The following ANK2 variants were observed in gnomAD, a reference collection of about 807,000 sequenced individuals.
ANK2 encodes the protein ankyrin-2.
In ANK2, 83 loss-of-function variants were observed where a neutral mutation model predicts 360.5. That is an observed-to-expected ratio of 0.23 (90% CI 0.19 to 0.28). The LOEUF is 0.28. Ranked by LOEUF, ANK2 falls within the 10% of genes least tolerant of loss-of-function variation. ANK2 has a pLI of 1.00. For missense variants in ANK2, 4,201 were observed against 4,795.7 expected (o/e 0.88, Z 3.66); for synonymous variants, 1,740 against 1,759.5 (o/e 0.99, Z 0.28).
rs554848567 is a variant in ANK2 at position 113,034,383 on chromosome 4, G to C, written c.21+129869G>C. The C allele has an allele frequency of 1.4e-3, 209 of 152,138 alleles. 1 individual carries two copies. The highest frequency in any genetic ancestry group is 4.8e-3 in the African/African-American group (199 of 41,546). 9.4% of individuals were successfully genotyped at this position (152,138 alleles called of 1,614,324 possible). A position where few individuals can be genotyped will look rare whatever the true frequency, so the allele number is the denominator to read the frequency against. ...TTCAATTGATCAAGAAATACACACT[G>C]TCTGCTTTGTGACCAGAATACTGGA... On this transcript the variant is annotated intron_variant, in intron 2 of 30. Coordinates refer to the ANK2 transcript ENST00000503271.
intron 4 of ANK2, among the ~76,000 whole-genome samples, chr4:113,227,578 G>A (rs1373756487): frequency 6.6e-6 from 1 of 152,170 alleles, no homozygotes; most frequent in Non-Finnish European, 1.5e-5. Context: ...TGAGGTGGTA[G>A]AGTGGTACCT....
intron 2 of ANK2, among the ~76,000 whole-genome samples, chr4:113,193,465 G>A (rs1307854349): frequency 1.3e-5 from 2 of 152,158 alleles, no homozygotes; most frequent in Non-Finnish European, 2.9e-5. Flanking sequence ...GGAAGAGAAG[G>A]GAAAAGTGCA....
intron 2 of ANK2, among the ~76,000 whole-genome samples, chr4:112,919,439 G>A (rs758960824): frequency 3.2e-4 from 48 of 152,028 alleles, no homozygotes; most frequent in Non-Finnish European, 4.7e-4. Flanking sequence ...AGTCCAACGT[G>A]TCAGGTAAGG....
intron 29 of ANK2, 88 bp downstream of exon 29, chr4:113,333,296 ATATGTGTGTGTGTGTG>A: frequency 7.2e-7 from 1 of 1,387,338 alleles, no homozygotes; most frequent in Non-Finnish European, 1.0e-6. Flanking sequence ...GGGTGTGTGT[ATATGTGTGTGTGTGTG>A]TGTGTGTGTG....
chr4:112,918,987 C>T (rs1056362044), intron 2 of ANK2, among the ~76,000 whole-genome samples: 4 of 152,124 alleles, frequency 2.6e-5, no homozygotes, highest in African/African-American at 7.2e-5. Context: ...CTTCTGCTTT[C>T]TATGGAATTT....
chr4:113,254,591 T>G (rs1385763092), intron 10 of ANK2, among the ~76,000 whole-genome samples: 1 of 152,196 alleles, frequency 6.6e-6, no homozygotes, highest in Non-Finnish European at 1.5e-5. Flanking sequence ...CTAAACTTAT[T>G]TAATGAACTT....
chr4:113,166,644 G>A (rs2097764517), intron 1 of ANK2, among the ~76,000 whole-genome samples: 1 of 151,448 alleles, frequency 6.6e-6, no homozygotes, highest in South Asian at 2.1e-4. Context: ...ATTCACTGGA[G>A]GATAGCATCA....
At position 113,383,358 on chromosome 4, in the gene ANK2, A is replaced by G. The variant is rs1187069234; in HGVS notation, c.*1887A>G. On this transcript the variant is annotated 3_prime_UTR_variant, in exon 46 of 46. Coordinates refer to ENST00000357077, the MANE Select transcript of ANK2 (RefSeq NM_001148.6). The stretch of plus-strand genomic sequence containing the variant: ...GATAGGAAATGAGACATTCTTTGGC[A>G]GCCAAAATAAGAGAGGCCGATGGTG... 2 of 152,642 alleles carry G rather than the reference A, an allele frequency of 1.3e-5. No homozygotes were observed. The highest frequency in any genetic ancestry group is 4.8e-5 in the African/African-American group (2 of 41,448). 9.5% of individuals were successfully genotyped at this position (152,642 alleles called of 1,614,324 possible).
chr4:113,318,595 C>G lies in ANK2; in HGVS notation c.2875C>G (p.Leu959Val). The change falls in exon 26 of 46, where the codon CTT (leucine) becomes GTT (valine). Residue 959 changes from leucine (L) to valine (V), a missense_variant. Around this residue, in one of 4 missense-constraint regions of ANK2, gnomAD observed 1,268 missense variants for 1,650.8 expected, o/e 0.77. Transcript: ENST00000357077. The stretch of plus-strand genomic sequence containing the variant: ...CACTGAGAACTTAGACAACGTGGCT[C>G]TTTCTTCTAGTCCTATTCATTCAGG... ...WGTENLDNVALSSSPIHSGFL... is the reference protein window; with the variant it reads ...WGTENLDNVAVSSSPIHSGFL... 1 of 1,613,268 alleles carries G rather than the reference C, an allele frequency of 6.2e-7. No individual in the cohort carries two copies. The highest frequency in any genetic ancestry group is 8.5e-7 in the Non-Finnish European group (1 of 1,179,506).
chr4:113,358,405 A>G lies in ANK2; in HGVS notation c.9787A>G (p.Arg3263Gly). Reference protein sequence around the residue: ...QVQLDFSTLTRSVYSDRGDDS... With the variant: ...QVQLDFSTLTGSVYSDRGDDS... ...CCAGTTAGATTTTTCCACACTCACC[A>G]GGTCTGTTTATTCAGATAGGGGTGA... is the stretch of plus-strand genomic sequence containing the variant. The change falls in exon 38 of 46, where the codon AGG becomes GGG. Residue 3263 changes from arginine (R) to glycine (G), a missense_variant. Arg to Gly is a moderately radical substitution (Grantham distance 125, BLOSUM62 -2). Transcript: ENST00000357077. 6.2e-7 allele frequency: 1 copy of G among 1,614,060 alleles called. No homozygotes were observed. Among genetic ancestry groups the G allele is most frequent in the Non-Finnish European group, 8.5e-7 (1 of 1,179,966 alleles).
At position 113,355,513 on chromosome 4, in the gene ANK2, G is replaced by C. The variant is rs537233629; in HGVS notation, c.6895G>C (p.Asp2299His). 4 of 1,614,014 alleles carry C rather than the reference G, an allele frequency of 2.5e-6. No homozygotes were observed. The highest frequency in any genetic ancestry group is 3.3e-5 in the Admixed American group (2 of 60,022). ...SEERGATVTEDSETSTESFQK... is the reference protein window; with the variant it reads ...SEERGATVTEHSETSTESFQK... ...AGAGCGAGGTGCCACAGTCACTGAG[G>C]ACTCAGAGACCTCTACTGAGAGTTT... The change falls in exon 38 of 46, where the codon GAC (aspartate) becomes CAC (histidine). Residue 2299 changes from aspartate to histidine, a missense_variant. Physicochemically the swap from Asp to His is moderately conservative, Grantham distance 81. This residue lies in a region of ANK2 where 2,642 missense variants were observed against 2,714.5 expected (regional missense o/e 0.97). Transcript: ENST00000357077.
intron 1 of ANK2, among the ~76,000 whole-genome samples, chr4:112,873,444 T>TA (rs2073939727): frequency 6.6e-6 from 1 of 152,028 alleles, no homozygotes; most frequent in Non-Finnish European, 1.5e-5. Flanking sequence ...CCTTATGACT[T>TA]ATTCTTTGAC....
At chr4:113,279,592 A>G (rs1385350030) in intron 17 of ANK2, among the ~76,000 whole-genome samples, 1 of 151,056 alleles carries the variant, frequency 6.6e-6, no homozygotes, top group Admixed American at 6.6e-5. Context: ...TGTTATACAA[A>G]TATATACATA....
intron 2 of ANK2, among the ~76,000 whole-genome samples, chr4:112,975,598 T>C (rs2041111728): frequency 6.6e-6 from 1 of 152,158 alleles, no homozygotes; most frequent in Non-Finnish European, 1.5e-5. Flanking sequence ...GACCTAGGAA[T>C]TGAAAGCAGA....
At chr4:113,366,516 A>T (rs1349634297) in intron 41 of ANK2, among the ~76,000 whole-genome samples, 1 of 147,006 alleles carries the variant, frequency 6.8e-6, no homozygotes, top group Non-Finnish European at 1.5e-5. Context: ...GCTTGTCCTC[A>T]TCTCCCACCT....
intron 1 of ANK2, among the ~76,000 whole-genome samples, chr4:113,056,129 C>CA (rs979133160): frequency 6.6e-6 from 1 of 152,112 alleles, no homozygotes; most frequent in African/African-American, 2.4e-5. Context: ...TGAAAATTCA[C>CA]AAAAATGTAA....
intron 1 of ANK2, among the ~76,000 whole-genome samples, chr4:113,140,651 A>G (rs1457844509): frequency 6.6e-6 from 1 of 151,948 alleles, no homozygotes; most frequent in Non-Finnish European, 1.5e-5. Flanking sequence ...TTTTTTTTTC[A>G]GTCTTTTTAA....
At chr4:112,780,204 A>G in the ANK2 span, among the ~76,000 whole-genome samples, 46 of 151,174 alleles carry the variant, frequency 3.0e-4, no homozygotes, top group African/African-American at 1.1e-3. Context: ...AAAAAAAAGA[A>G]GTCAGTGAAA....
chr4:113,287,721 C>G lies in ANK2; in HGVS notation c.2178+18C>G. 6.3e-7 allele frequency: 1 copy of G among 1,583,764 alleles called. No homozygotes were observed. The highest frequency in any genetic ancestry group is 8.7e-7 in the Non-Finnish European group (1 of 1,153,304). On this transcript the variant is annotated intron_variant, in intron 19 of 45. Coordinates refer to ENST00000357077, the MANE Select transcript of ANK2 (RefSeq NM_001148.6). ...ATACAAAGGTAAAGCAAATCACTCT[C>G]AGTATTGTGACAGGTTCTGGCTGGG...
Sources: gnomAD v4.1 joint callset for allele counts (sites outside exome capture counted in the v4.1 genomes callset) on GRCh38, gnomAD v4.1.1 for gene constraint, gnomAD v4.1.1 regional missense constraint, MANE v1.5 for transcripts, NCBI Gene and HGNC (gene_info 2026-07-23, HGNC 2026-07-21) for gene names.